OSBPL10: variants seen among roughly 807,000 people sequenced by gnomAD.
The protein encoded by OSBPL10 is oxysterol-binding protein-related protein 10.
In OSBPL10, 49 loss-of-function variants were observed where a neutral mutation model predicts 81.7. That is an observed-to-expected ratio of 0.60 (90% confidence interval 0.48 to 0.76). The LOEUF is 0.76. Among genes scored for constraint, OSBPL10 ranks in the 30% least tolerant of loss-of-function variants. The probability of loss-of-function intolerance (pLI) is 0.00; values close to 1 mark genes in which losing one functional copy is unlikely to be tolerated. For missense variants in OSBPL10, 923 were observed against 987.8 expected (o/e 0.93, Z 0.88); for synonymous variants, 419 against 383.6 (o/e 1.09, Z -1.08).
At chr3:32,046,010 C>T (rs367838028) in intron 2 of OSBPL10, 10 of 152,188 alleles carry the variant, frequency 6.6e-5, no homozygotes, top group East Asian at 5.8e-4. Flanking sequence ...ATCTCGGTTC[C>T]GTTGTTTGTC....
At chr3:31,847,713 G>T (rs1481144008) in intron 3 of OSBPL10, among the ~76,000 whole-genome samples, 1 of 152,134 alleles carries the variant, frequency 6.6e-6, no homozygotes, top group African/African-American at 2.4e-5. Context: ...AAGTGTCTCA[G>T]TGAGGGAATT....
chr3:31,923,771 A>G (rs1696987235), intron 1 of OSBPL10, among the ~76,000 whole-genome samples: 1 of 152,058 alleles, frequency 6.6e-6, no homozygotes, highest in Non-Finnish European at 1.5e-5. Flanking sequence ...TCAATGACAG[A>G]GCGAGATCCT....
intron 5 of OSBPL10, among the ~76,000 whole-genome samples, chr3:31,738,956 C>G (rs970620754): frequency 1.3e-5 from 2 of 151,762 alleles, no homozygotes; most frequent in Non-Finnish European, 2.9e-5. Flanking sequence ...CAGTTAAACA[C>G]AGAGCTGAGC....
At chr3:31,697,573 T>C (rs1185995334) in intron 7 of OSBPL10, among the ~76,000 whole-genome samples, 2 of 151,878 alleles carry the variant, frequency 1.3e-5, no homozygotes, top group African/African-American at 4.8e-5. Context: ...TAAAAAACAA[T>C]AAAACGAATA....
chr3:31,779,536 C>T (rs527836831), intron 4 of OSBPL10, among the ~76,000 whole-genome samples: 1 of 152,158 alleles, frequency 6.6e-6, no homozygotes, highest in African/African-American at 2.4e-5. Flanking sequence ...ATATATGCAC[C>T]TGGAGCTCCC....
intron 4 of OSBPL10, among the ~76,000 whole-genome samples, chr3:31,805,876 G>A (rs553419469): frequency 6.6e-6 from 1 of 152,192 alleles, no homozygotes; most frequent in Non-Finnish European, 1.5e-5. Context: ...GATGGTAGCA[G>A]GGTTTAATAG....
chr3:32,068,038 C>A (rs1232840655), intron 1 of OSBPL10, among the ~76,000 whole-genome samples: 2 of 152,170 alleles, frequency 1.3e-5, no homozygotes, highest in African/African-American at 4.8e-5. Context: ...TCAGACCAAC[C>A]AGCCCAAGGA....
At chr3:31,951,589 A>T (rs1697870384) in intron 1 of OSBPL10, among the ~76,000 whole-genome samples, 1 of 151,732 alleles carries the variant, frequency 6.6e-6, no homozygotes, top group Non-Finnish European at 1.5e-5. Flanking sequence ...TACATATATG[A>T]TTGCATATAT....
At position 31,915,008 on chromosome 3, in the gene OSBPL10, A is replaced by G. The variant is rs550817744; in HGVS notation, c.282-35178T>C. ...GAGACAGAGTCTCACTCTGTCGCCC[A>G]AGCTCCGTGCTGGAGTGCAGTGGCA... On this transcript the variant is annotated intron_variant, in intron 1 of 11. Coordinates refer to ENST00000396556, the MANE Select transcript of OSBPL10 (RefSeq NM_017784.5). Among the ~76,000 whole-genome samples, 4 of 152,078 alleles carry G rather than the reference A, an allele frequency of 2.6e-5. No individual in the cohort carries two copies. The South Asian group carries it at 8.3e-4, about 32-fold the overall frequency.
chr3:32,049,907 G>A (rs1039048278), intron 1 of OSBPL10, among the ~76,000 whole-genome samples: 7 of 152,126 alleles, frequency 4.6e-5, no homozygotes, highest in East Asian at 1.9e-4. Context: ...TCCCCACCTC[G>A]CTGCAGTCAA....
intron 3 of OSBPL10, among the ~76,000 whole-genome samples, chr3:31,855,689 A>G (rs1188613881): frequency 2.0e-5 from 3 of 152,068 alleles, no homozygotes; most frequent in African/African-American, 7.2e-5. Context: ...GTTGAATGCT[A>G]CTCCAAGCAT....
chr3:31,880,659 A>C lies in OSBPL10; in HGVS notation c.282-829T>G, dbSNP rs555149180. ...TTTCTACCTTCTCACTTCATCTTCC[A>C]CTGACACTAGTCTTTTCTCTCTTCC... On this transcript the variant is annotated intron_variant, in intron 1 of 11. Transcript: ENST00000396556. Among the ~76,000 whole-genome samples the C allele has an allele frequency of 6.6e-5, 10 of 152,132 alleles. No homozygotes were observed. The East Asian group carries it at 1.9e-3, about 29-fold the overall frequency.
At chr3:31,987,034 T>A (rs1213128751) in intron 2 of OSBPL10, among the ~76,000 whole-genome samples, 1 of 152,066 alleles carries the variant, frequency 6.6e-6, no homozygotes, top group Non-Finnish European at 1.5e-5. Context: ...AAAAATTATT[T>A]CTAAACCACT....
rs568829403 is a variant in OSBPL10, at chr3:31,965,313, G to T, written c.281+15586C>A. 2.3e-3 allele frequency among the ~76,000 whole-genome samples: 328 copies of T among 144,928 alleles called. 2 individuals are homozygous for T. Among genetic ancestry groups the T allele is most frequent in the Middle Eastern group, 0.011 (3 of 284 alleles). The stretch of plus-strand genomic sequence containing the variant: ...TGAACCCAGGAGGCAGAGCTTGCAG[G>T]GAGCTGAGATCGCACTACTGCACTC... On this transcript the variant is annotated intron_variant, in intron 1 of 11. Coordinates refer to ENST00000396556, the MANE Select transcript of OSBPL10 (RefSeq NM_017784.5).
chr3:31,987,625 C>T (rs976223995), intron 2 of OSBPL10, among the ~76,000 whole-genome samples: 1 of 152,166 alleles, frequency 6.6e-6, no homozygotes, highest in Non-Finnish European at 1.5e-5. Context: ...CTCTCTAATC[C>T]ACAGGGTCTC....
intron 1 of OSBPL10, among the ~76,000 whole-genome samples, chr3:31,887,611 T>G (rs969324930): frequency 1.3e-5 from 2 of 152,196 alleles, no homozygotes; most frequent in African/African-American, 4.8e-5. Context: ...TCCTTCCCTA[T>G]AGTAGTCTTG....
intron 1 of OSBPL10, among the ~76,000 whole-genome samples, chr3:31,908,323 C>T (rs183556085): frequency 1.3e-5 from 2 of 152,242 alleles, no homozygotes; most frequent in East Asian, 3.9e-4. Flanking sequence ...TAGAATGATG[C>T]TTGGGTGGGT....
chr3:31,667,633 G>A (rs1700225952), intron 10 of OSBPL10, among the ~76,000 whole-genome samples: 1 of 152,198 alleles, frequency 6.6e-6, no homozygotes, highest in Non-Finnish European at 1.5e-5. Context: ...GATTAGAGCA[G>A]CAGTTGGCAA....
In OSBPL10 at chr3:31,664,132, G is replaced by A. The variant is rs755476445; in HGVS notation, c.2197C>T (p.Arg733Trp). 34 of 1,613,748 alleles carry A rather than the reference G, an allele frequency of 2.1e-5. No homozygotes were observed. In the East Asian group the frequency reaches 3.1e-4, roughly 15 times the overall value. ...GGTGTGCGGAGGTTCTCGCGCTTCC[G>A]TTCCTCCACCCGTTGCTTCTCCTCC... is the stretch of plus-strand genomic sequence containing the variant. ...HLEEKQRVEE[R>W]KRENLRTPWK... is the part of the protein sequence containing the mutation. Residue 733 changes from arginine to tryptophan, a missense_variant, in exon 11 of 12, where the codon CGG (arginine) becomes TGG (tryptophan). Arg to Trp is a moderately radical substitution (Grantham distance 101). This residue lies in a region of OSBPL10 where 387 missense variants were observed against 436.3 expected (regional missense o/e 0.89). Transcript: ENST00000396556.
Sources: allele counts gnomAD v4.1 joint callset (sites outside exome capture counted in the v4.1 genomes callset), GRCh38; gene constraint gnomAD v4.1.1; regional missense constraint gnomAD v4.1.1; transcripts MANE v1.5; gene names NCBI Gene and HGNC (gene_info 2026-07-23, HGNC 2026-07-21).